UVRAG: variants seen among roughly 807,000 people sequenced by gnomAD.
UVRAG encodes UV radiation resistance-associated gene protein.
In UVRAG, 19 loss-of-function variants were observed where a neutral mutation model predicts 78.0. The ratio of observed to expected loss-of-function variants is 0.24; its 90% CI spans 0.17 to 0.36. The LOEUF (loss-of-function observed/expected upper bound fraction) is 0.36. Among genes scored for constraint, UVRAG ranks in the 10% least tolerant of loss-of-function variants. The probability of loss-of-function intolerance (pLI) is 1.00; values close to 1 mark genes in which losing one functional copy is unlikely to be tolerated. For missense variants in UVRAG, 740 were observed against 853.8 expected (o/e 0.87, Z 1.66); for synonymous variants, 323 against 324.6 (o/e 1.00, Z 0.05).
intron 11 of UVRAG, 75 bp downstream of exon 11, chr11:76,008,942 C>G: frequency 1.1e-6 from 1 of 904,716 alleles, no homozygotes; most frequent in South Asian, 2.0e-5. Flanking sequence ...TGCTGGTTGC[C>G]TAGCACTTTA....
At chr11:76,068,205 C>A (rs898342647) in intron 13 of UVRAG, among the ~76,000 whole-genome samples, 1 of 152,160 alleles carries the variant, frequency 6.6e-6, no homozygotes, top group African/African-American at 2.4e-5. Context: ...GGGAGCAAGA[C>A]CAAGATGGAG....
intron 6 of UVRAG, among the ~76,000 whole-genome samples, chr11:75,949,871 T>G (rs1243991267): frequency 6.6e-6 from 1 of 151,976 alleles, no homozygotes; most frequent in African/African-American, 2.4e-5. Flanking sequence ...ATAGAGTATT[T>G]TCATTATCCA....
rs906746360 is a variant in UVRAG at position 75,815,404 on chromosome 11, C to G, written c.-4C>G. On this transcript the variant is annotated 5_prime_UTR_variant, in exon 1 of 15. In the 5' UTR this introduces an upstream ATG that the reference lacks. Transcript: ENST00000356136. Reference sequence around the variant, plus strand: ...CCCCGCCGCTTGGCGGCCCCTGGATCGAGATGAGCGCCTCCGCGTCGGTCG... The same window carrying G: ...CCCCGCCGCTTGGCGGCCCCTGGATGGAGATGAGCGCCTCCGCGTCGGTCG... 6.0e-5 allele frequency: 74 copies of G among 1,240,394 alleles called. No homozygotes were observed. Among genetic ancestry groups the G allele is most frequent in the Non-Finnish European group, 6.7e-5 (66 of 988,888 alleles). The allele number at this position is 1,240,394 out of a possible 1,614,324, so 76.8% of individuals were successfully genotyped here.
At position 75,918,314 on chromosome 11, in the gene UVRAG, C is replaced by G. The variant is rs1041748202; in HGVS notation, c.593+6275C>G. Reference sequence around the variant, plus strand: ...GAATGGCGTGAACCCAGGAGCAGAGCTTGCAGTGAGCCGAGATCGCGCCGC... The same window carrying G: ...GAATGGCGTGAACCCAGGAGCAGAGGTTGCAGTGAGCCGAGATCGCGCCGC... On this transcript the variant is annotated intron_variant, in intron 6 of 14. Coordinates refer to ENST00000356136, the MANE Select transcript of UVRAG (RefSeq NM_003369.4). 6.0e-5 allele frequency among the ~76,000 whole-genome samples: 9 copies of G among 150,776 alleles called. No individual in the cohort carries two copies. In the East Asian group the frequency reaches 1.2e-3, roughly 20 times the overall value.
intron 14 of UVRAG, 107 bp from the exon 15 acceptor site, chr11:76,140,604 T>G: frequency 1.3e-5 from 15 of 1,117,338 alleles, no homozygotes; most frequent in Non-Finnish European, 1.8e-5. Context: ...TTCTTATCTA[T>G]TTTTATTAGC....
At chr11:76,137,540 A>G in intron 14 of UVRAG, 1 of 448,244 alleles carries the variant, frequency 2.2e-6, no homozygotes, top group Non-Finnish European at 4.5e-6. Context: ...AAAAAGGTAA[A>G]CCTTAGATAT....
intron 12 of UVRAG, among the ~76,000 whole-genome samples, chr11:76,060,137 A>G (rs1334244383): frequency 3.3e-5 from 5 of 150,866 alleles, no homozygotes; most frequent in Admixed American, 3.3e-4. Context: ...TTCTTTTCAC[A>G]GTTTTTTTCA....
intron 14 of UVRAG, among the ~76,000 whole-genome samples, chr11:76,117,762 G>T (rs537201015): frequency 6.6e-6 from 1 of 152,192 alleles, no homozygotes; most frequent in Non-Finnish European, 1.5e-5. Context: ...AGATAGGGCT[G>T]AGCCAAGAAT....
intron 12 of UVRAG, among the ~76,000 whole-genome samples, chr11:76,065,234 T>C (rs1951164671): frequency 6.6e-6 from 1 of 152,218 alleles, no homozygotes; most frequent in Non-Finnish European, 1.5e-5. Context: ...TTGGCTCATA[T>C]TGGCACTGTT....
Position 75,898,651 on chromosome 11 carries a change from A to G in UVRAG, c.507+9748A>G, listed in dbSNP as rs1326669354. Among the ~76,000 whole-genome samples, 16 of 152,298 alleles carry G rather than the reference A, an allele frequency of 1.1e-4. No individual in the cohort carries two copies. The East Asian group carries it at 2.9e-3, about 28-fold the overall frequency. ...CACCTGTGAAGAGGTGATGTGATAG[A>G]AGATTTTCATCATTTAATTTTTGTT... On this transcript the variant is annotated intron_variant, in intron 5 of 14. Transcript: ENST00000356136.
At chr11:75,867,950 A>G (rs767855910) in intron 3 of UVRAG, among the ~76,000 whole-genome samples, 15 of 151,978 alleles carry the variant, frequency 9.9e-5, no homozygotes, top group Non-Finnish European at 1.6e-4. Flanking sequence ...TGTAGATACA[A>G]TGACACTGGA....
intron 5 of UVRAG, chr11:75,911,700 G>T: frequency 3.3e-6 from 1 of 302,912 alleles, no homozygotes; most frequent in South Asian, 5.3e-5. Flanking sequence ...AAGGCCGCGG[G>T]ACTCAGGGCT....
In UVRAG at chr11:76,006,310, A is replaced by T. The variant is rs565640673; in HGVS notation, c.912-1224A>T. ...TCTTAAATTCTTGACACAGTTGATC[A>T]GGCAACTTACTTTACAGGTATTTTA... On this transcript the variant is annotated intron_variant, in intron 9 of 14. Coordinates refer to ENST00000356136, the MANE Select transcript of UVRAG (RefSeq NM_003369.4). Among the ~76,000 whole-genome samples the T allele has an allele frequency of 1.6e-4, 24 of 152,252 alleles. No homozygotes were observed. In the East Asian group the frequency reaches 4.6e-3, roughly 29 times the overall value.
At chr11:76,095,512 CAT>C (rs1376971768) in intron 13 of UVRAG, among the ~76,000 whole-genome samples, 5 of 150,370 alleles carry the variant, frequency 3.3e-5, no homozygotes, top group Non-Finnish European at 5.9e-5. Context: ...TCTCATATAT[CAT>C]ATATTCATAT....
intron 12 of UVRAG, among the ~76,000 whole-genome samples, chr11:76,035,723 TTAAAG>T (rs751989078): frequency 1.2e-4 from 19 of 152,344 alleles, no homozygotes; most frequent in Middle Eastern, 3.4e-3. Context: ...AATGGACAGT[TTAAAG>T]TAAATTCTGT....
intron 1 of UVRAG, among the ~76,000 whole-genome samples, chr11:75,848,668 T>C (rs1946086595): frequency 6.6e-6 from 1 of 152,260 alleles, no homozygotes; most frequent in Non-Finnish European, 1.5e-5. Context: ...CATAAAGTTA[T>C]TCTTTTGAGT....
intron 14 of UVRAG, among the ~76,000 whole-genome samples, chr11:76,135,724 G>T (rs543167904): frequency 6.6e-6 from 1 of 152,210 alleles, no homozygotes; most frequent in Non-Finnish European, 1.5e-5. Context: ...GAAATGGCTG[G>T]TGAGGAGAAT....
At chr11:76,054,915 C>T (rs1163177986) in intron 12 of UVRAG, among the ~76,000 whole-genome samples, 1 of 152,232 alleles carries the variant, frequency 6.6e-6, no homozygotes, top group Non-Finnish European at 1.5e-5. Flanking sequence ...GTCCAGTGCT[C>T]ATTAGAGTCT....
rs1946413307 is a variant in UVRAG, at chr11:75,861,159, A to G, written c.236-587A>G. 2.6e-5 allele frequency among the ~76,000 whole-genome samples: 4 copies of G among 152,304 alleles called. No individual in the cohort carries two copies. In the South Asian group the frequency reaches 8.3e-4, roughly 32 times the overall value. ...CATGAAATTTTAATGCTTACCAAGG[A>G]CCTTCAATTATCTGTTCAATTCTCT... On this transcript the variant is annotated intron_variant, in intron 2 of 14. Transcript: ENST00000356136.
Sources: gnomAD v4.1 joint callset for allele counts (sites outside exome capture counted in the v4.1 genomes callset) on GRCh38, gnomAD v4.1.1 for gene constraint, MANE v1.5 for transcripts, NCBI Gene and HGNC (gene_info 2026-07-23, HGNC 2026-07-21) for gene names.